KLRG1: variants seen among roughly 807,000 people sequenced by gnomAD.
KLRG1 encodes the protein killer cell lectin like receptor G1.
In KLRG1, 16 loss-of-function variants were observed where a neutral mutation model predicts 21.8. The ratio of observed to expected loss-of-function variants is 0.73; its 90% CI spans 0.50 to 1.11. KLRG1 has a LOEUF of 1.11. KLRG1 is among the 50% of genes most tolerant of loss of function. The pLI is 0.00. For synonymous variants in KLRG1, 69 were observed against 75.9 expected, an observed-to-expected ratio of 0.91 and a Z score of 0.47; for missense variants, 173 against 218.3, an observed-to-expected ratio of 0.79 and a Z score of 1.31.
At chr12:8,997,331 C>T (rs756446052) in intron 3 of KLRG1, among the ~76,000 whole-genome samples, 40 of 152,252 alleles carry the variant, frequency 2.6e-4, no homozygotes, top group South Asian at 1.0e-3. Context: ...TTTCTTGCTC[C>T]GGCTTTTGTC....
chr12:9,044,956 G>C, the KLRG1 span, among the ~76,000 whole-genome samples: 4 of 152,080 alleles, frequency 2.6e-5, no homozygotes, highest in Admixed American at 2.6e-4. Context: ...TGTCACTAAA[G>C]GAGTGAATAA....
chr12:9,050,618 C>T, the KLRG1 span, among the ~76,000 whole-genome samples: 1 of 152,148 alleles, frequency 6.6e-6, no homozygotes, highest in Non-Finnish European at 1.5e-5. Flanking sequence ...CCTCCCTGTG[C>T]TCCCGGAGGG....
At chr12:9,082,616 A>G in the KLRG1 span, among the ~76,000 whole-genome samples, 6 of 152,334 alleles carry the variant, frequency 3.9e-5, no homozygotes, top group Non-Finnish European at 8.8e-5. Flanking sequence ...CCTCAAATGC[A>G]CAAATAATGC....
At chr12:9,174,751 C>G in the KLRG1 span, among the ~76,000 whole-genome samples, 1 of 152,104 alleles carries the variant, frequency 6.6e-6, no homozygotes, top group African/African-American at 2.4e-5. Flanking sequence ...ATACAGCTAA[C>G]AAGGGAAGTG....
At chr12:9,077,901 G>C in the KLRG1 span, 1 of 1,613,012 alleles carries the variant, frequency 6.2e-7, no homozygotes, top group South Asian at 1.1e-5. Context: ...TTGTCAAAAT[G>C]GTTTTATAAC....
upstream of KLRG1, among the ~76,000 whole-genome samples, chr12:8,988,798 T>C (rs1592260766): frequency 6.6e-6 from 1 of 152,268 alleles, no homozygotes; most frequent in South Asian, 2.1e-4. Context: ...GCCAGGCTGG[T>C]CTTGAATTCC....
chr12:9,058,368 A>G, the KLRG1 span: 2 of 152,220 alleles, frequency 1.3e-5, no homozygotes, highest in Non-Finnish European at 2.9e-5. Context: ...ACCAACTTTC[A>G]ACATGGCTTC....
At chr12:9,039,123 A>G in the KLRG1 span, among the ~76,000 whole-genome samples, 93 of 152,340 alleles carry the variant, frequency 6.1e-4, no homozygotes, top group Middle Eastern at 3.4e-3. Context: ...CTGTTCATTC[A>G]ATAAGTTGGT....
the KLRG1 span, chr12:9,104,288 T>G: frequency 6.2e-7 from 1 of 1,613,058 alleles, no homozygotes; most frequent in Non-Finnish European, 8.5e-7. Flanking sequence ...GATAGAGAAC[T>G]GTACAAGGCC....
the KLRG1 span, chr12:9,164,373 T>C: frequency 1.8e-6 from 2 of 1,139,114 alleles, no homozygotes; most frequent in South Asian, 1.6e-5. Flanking sequence ...GTAAGAAAAA[T>C]GTATGTCACA....
At chr12:9,149,070 G>T in the KLRG1 span, 1 of 1,348,448 alleles carries the variant, frequency 7.4e-7, no homozygotes, top group South Asian at 1.2e-5. Flanking sequence ...GCAGCAGAGT[G>T]AGCTTATGCA....
chr12:9,181,485 G>A, the KLRG1 span, among the ~76,000 whole-genome samples: 1 of 152,030 alleles, frequency 6.6e-6, no homozygotes, highest in Non-Finnish European at 1.5e-5. Flanking sequence ...ATGCTTTGGC[G>A]ACACATTAAT....
At chr12:8,983,687 C>T (rs76543966) in intron 1 of KLRG1, among the ~76,000 whole-genome samples, 2,732 of 152,180 alleles carry the variant, frequency 0.018, 77 homozygotes, top group African/African-American at 0.061. Flanking sequence ...AGCCGTGAAC[C>T]GCCGTGCCTG....
At chr12:8,988,607 A>G (rs766209659), upstream of KLRG1, among the ~76,000 whole-genome samples, 3 of 151,208 alleles carry the variant, frequency 2.0e-5, no homozygotes, top group South Asian at 4.2e-4. Context: ...ACGGAGTTTC[A>G]CTCTTGTTGC....
At chr12:9,065,777 G>A in the KLRG1 span, 1 of 152,262 alleles carries the variant, frequency 6.6e-6, no homozygotes, top group African/African-American at 2.4e-5. Context: ...GCTGCCCATG[G>A]ACCAATCAGC....
chr12:9,131,185 T>G, the KLRG1 span, among the ~76,000 whole-genome samples: 1 of 152,202 alleles, frequency 6.6e-6, no homozygotes, highest in Non-Finnish European at 1.5e-5. Flanking sequence ...GATCATTGTG[T>G]CTTTGTATAT....
At chr12:8,973,103 G>C (rs1946597602) in intron 1 of KLRG1, among the ~76,000 whole-genome samples, 3 of 146,124 alleles carry the variant, frequency 2.1e-5, no homozygotes, top group Non-Finnish European at 4.5e-5. Flanking sequence ...AGGTTTCAGT[G>C]AGCTGAGATC....
the KLRG1 span, among the ~76,000 whole-genome samples, chr12:9,159,726 A>G: frequency 6.6e-6 from 1 of 151,690 alleles, no homozygotes; most frequent in Admixed American, 6.6e-5. Context: ...GACTCCTCAG[A>G]GTCCACACCA....
chr12:9,200,464 A>C, the KLRG1 span: 4 of 1,564,172 alleles, frequency 2.6e-6, no homozygotes, highest in Non-Finnish European at 3.5e-6. Flanking sequence ...AATAGAGATA[A>C]TAGGAATAAG....
Sources: gnomAD v4.1 joint callset for allele counts (sites outside exome capture counted in the v4.1 genomes callset) on GRCh38, gnomAD v4.1.1 for gene constraint, MANE v1.5 for transcripts, NCBI Gene and HGNC (gene_info 2026-07-23, HGNC 2026-07-21) for gene names.